ZDHHC14: variants seen among roughly 807,000 people sequenced by gnomAD.
ZDHHC14 encodes palmitoyltransferase ZDHHC14.
Under a neutral mutation model 47.7 loss-of-function variants are expected in ZDHHC14, and 16 were observed. The observed-to-expected ratio is 0.34, with a 90% confidence interval of 0.23 to 0.51. The LOEUF (loss-of-function observed/expected upper bound fraction) is 0.51, where lower values mean the gene tolerates loss of function less well. Ranked by LOEUF, ZDHHC14 falls within the 20% of genes least tolerant of loss-of-function variation. ZDHHC14 has a pLI of 0.97. For missense variants in ZDHHC14, 515 were observed against 662.5 expected, an observed-to-expected ratio of 0.78 and a Z score of 2.44; for synonymous variants, 293 against 278.9, an observed-to-expected ratio of 1.05 and a Z score of -0.50.
At chr6:157,514,905 A>G (rs1034035687) in intron 1 of ZDHHC14, among the ~76,000 whole-genome samples, 10 of 152,206 alleles carry the variant, frequency 6.6e-5, no homozygotes, top group African/African-American at 2.4e-4. Context: ...AAAGTATAAC[A>G]TCTGGTTCTC....
intron 1 of ZDHHC14, among the ~76,000 whole-genome samples, chr6:157,401,107 T>C (rs141309975): frequency 0.013 from 2,030 of 152,370 alleles, 16 homozygotes; most frequent in Non-Finnish European, 0.016. Context: ...TTTCATTAGC[T>C]GCCTTCATTA....
At chr6:157,485,061 C>T (rs1314069027) in intron 1 of ZDHHC14, among the ~76,000 whole-genome samples, 1 of 152,122 alleles carries the variant, frequency 6.6e-6, no homozygotes, top group Non-Finnish European at 1.5e-5. Flanking sequence ...CGCGCCACCG[C>T]ACTCCAGCCT....
intron 1 of ZDHHC14, among the ~76,000 whole-genome samples, chr6:157,484,339 A>G (rs1020909574): frequency 2.8e-5 from 4 of 142,344 alleles, no homozygotes; most frequent in Admixed American, 7.2e-5. Context: ...GTATATATAC[A>G]TTATACGTAT....
In ZDHHC14 at chr6:157,531,248, G is replaced by A. The variant is rs138222818; in HGVS notation, c.246-11337G>A. On this transcript the variant is annotated intron_variant, in intron 1 of 8. Coordinates refer to ENST00000359775, the MANE Select transcript of ZDHHC14 (RefSeq NM_024630.3). ...TGCCTATCATGTAGCAGTGTGTGAGGCACTGGGGATGCCACAGTGACTAAA... is the reference window on the plus strand; with the variant it reads ...TGCCTATCATGTAGCAGTGTGTGAGACACTGGGGATGCCACAGTGACTAAA... Among the ~76,000 whole-genome samples, 390 of 151,742 alleles carry A rather than the reference G, an allele frequency of 2.6e-3. 1 individual carries two copies. The highest frequency in any genetic ancestry group is 8.8e-3 in the African/African-American group (365 of 41,262).
chr6:157,595,840 G>A (rs1279130712), intron 3 of ZDHHC14, among the ~76,000 whole-genome samples: 1 of 152,172 alleles, frequency 6.6e-6, no homozygotes, highest in Non-Finnish European at 1.5e-5. Context: ...TCAAAGTCAC[G>A]GTGGCCACCC....
At chr6:157,671,439 A>G (rs1266320247) in intron 8 of ZDHHC14, among the ~76,000 whole-genome samples, 1 of 152,184 alleles carries the variant, frequency 6.6e-6, no homozygotes, top group Admixed American at 6.5e-5. Context: ...CTCACCTAAT[A>G]TCCATGTCTG....
chr6:157,453,904 A>G (rs902653002), intron 1 of ZDHHC14, among the ~76,000 whole-genome samples: 2 of 152,020 alleles, frequency 1.3e-5, no homozygotes, highest in Admixed American at 1.3e-4. Context: ...TCTGAAAATA[A>G]GCCTCCTGAT....
At chr6:157,390,596 C>T (rs974187721) in intron 1 of ZDHHC14, among the ~76,000 whole-genome samples, 1 of 151,250 alleles carries the variant, frequency 6.6e-6, no homozygotes, top group Non-Finnish European at 1.5e-5. Flanking sequence ...TTTTCTTTTC[C>T]TCTTTGTGTT....
chr6:157,532,938 T>C (rs1415471296), intron 1 of ZDHHC14, among the ~76,000 whole-genome samples: 3 of 152,232 alleles, frequency 2.0e-5, no homozygotes, highest in East Asian at 3.8e-4. Context: ...CTTATGCATT[T>C]ATTTTTAATA....
At chr6:157,549,088 A>G (rs1486377934) in intron 2 of ZDHHC14, among the ~76,000 whole-genome samples, 3 of 152,176 alleles carry the variant, frequency 2.0e-5, no homozygotes, top group Admixed American at 6.5e-5. Flanking sequence ...ATCTGATATC[A>G]CAGCGTGTGC....
chr6:157,467,754 T>C (rs929910279), intron 1 of ZDHHC14, among the ~76,000 whole-genome samples: 3 of 152,122 alleles, frequency 2.0e-5, no homozygotes, highest in African/African-American at 7.2e-5. Context: ...TTCACCATTT[T>C]GGCCAGGCTG....
At chr6:157,548,684 G>A (rs1425848425) in intron 2 of ZDHHC14, among the ~76,000 whole-genome samples, 2 of 152,168 alleles carry the variant, frequency 1.3e-5, no homozygotes, top group African/African-American at 2.4e-5. Flanking sequence ...AGCCTCAGAT[G>A]ATCTGCCCGC....
chr6:157,593,641 C>A (rs189717303), intron 3 of ZDHHC14, among the ~76,000 whole-genome samples: 3 of 152,342 alleles, frequency 2.0e-5, no homozygotes, highest in African/African-American at 7.2e-5. Flanking sequence ...ACGAAGGCCT[C>A]CCCTCTCTGC....
intron 3 of ZDHHC14, among the ~76,000 whole-genome samples, chr6:157,625,633 G>A (rs1785378459): frequency 6.6e-6 from 1 of 152,082 alleles, no homozygotes; most frequent in South Asian, 2.1e-4. Flanking sequence ...TGGGGATTAG[G>A]CCAGTGAGAA....
At chr6:157,496,068 T>C (rs1780055694) in intron 1 of ZDHHC14, among the ~76,000 whole-genome samples, 1 of 152,212 alleles carries the variant, frequency 6.6e-6, no homozygotes, top group African/African-American at 2.4e-5. Context: ...ACATACATTG[T>C]ACCCAATTCC....
At chr6:157,513,680 A>G (rs151106941) in intron 1 of ZDHHC14, among the ~76,000 whole-genome samples, 3,953 of 152,168 alleles carry the variant, frequency 0.026, 177 homozygotes, top group African/African-American at 0.09. Flanking sequence ...TTTATATATT[A>G]TATTCTGTTA....
At chr6:157,474,276 C>T (rs963942650) in intron 1 of ZDHHC14, among the ~76,000 whole-genome samples, 20 of 152,164 alleles carry the variant, frequency 1.3e-4, no homozygotes, top group African/African-American at 4.6e-4. Context: ...CAGGTGTGGT[C>T]CACTGTGCTC....
intron 1 of ZDHHC14, among the ~76,000 whole-genome samples, chr6:157,481,538 C>T (rs1779630524): frequency 6.6e-6 from 1 of 152,184 alleles, no homozygotes; most frequent in South Asian, 2.1e-4. Context: ...TCTGTGCAGC[C>T]CTGGACCCTT....
At chr6:157,405,235 GTGAGCTCTTTTTTT>G (rs1777717566) in intron 1 of ZDHHC14, among the ~76,000 whole-genome samples, 1 of 152,052 alleles carries the variant, frequency 6.6e-6, no homozygotes, top group South Asian at 2.1e-4. Flanking sequence ...CCTCCCCCAG[GTGAGCTCTTTTTTT>G]TGAGATGGAG....
Sources: gnomAD v4.1 joint callset for allele counts (sites outside exome capture counted in the v4.1 genomes callset) on GRCh38, gnomAD v4.1.1 for gene constraint, MANE v1.5 for transcripts, NCBI Gene and HGNC (gene_info 2026-07-23, HGNC 2026-07-21) for gene names.